Variants in ASAP3 observed in about 807,000 individuals in gnomAD.
The protein encoded by ASAP3 is arf-GAP with SH3 domain, ANK repeat and PH domain-containing protein 3.
Under a neutral mutation model 118.2 loss-of-function variants are expected in ASAP3, and 85 were observed. That is an observed-to-expected ratio of 0.72 (90% CI 0.60 to 0.86). The LOEUF is 0.86. Among genes scored for constraint, ASAP3 ranks in the 40% least tolerant of loss-of-function variants. The probability of loss-of-function intolerance (pLI) is 0.00; values close to 1 mark genes in which losing one functional copy is unlikely to be tolerated. For missense variants in ASAP3, 1,026 were observed against 1,175.0 expected (o/e 0.87, Z 1.85); for synonymous variants, 432 against 477.4 (o/e 0.90, Z 1.24).
At chr1:23,435,550 T>A (rs768054541) in intron 17 of ASAP3, among the ~76,000 whole-genome samples, 2 of 152,214 alleles carry the variant, frequency 1.3e-5, no homozygotes, top group Non-Finnish European at 2.9e-5. Context: ...ACTAAGCCCT[T>A]TATATACATG....
Position 23,435,914 on chromosome 1 carries a change from C to A in ASAP3, c.1686G>T (p.Ser562=), listed in dbSNP as rs748300859. ...WTAICNRDLL[S]VLEAFANGQD... The stretch of plus-strand genomic sequence containing the variant: ...GCCCATTGGCAAAGGCCTCCAGTAC[C>A]GACAGGAGGTCCCTGTTGCAAATGG... Residue 562 remains serine, a synonymous_variant, in exon 17 of 25, where the codon TCG becomes TCT. Coordinates refer to ENST00000336689, the MANE Select transcript of ASAP3 (RefSeq NM_017707.4). 1.2e-6 allele frequency: 2 copies of A among 1,614,266 alleles called. No individual in the cohort carries two copies. The highest frequency in any genetic ancestry group is 1.7e-6 in the Non-Finnish European group (2 of 1,180,048).
chr1:23,436,531 G>C lies in ASAP3; in HGVS notation c.1571+29C>G, dbSNP rs779620022. The C allele has an allele frequency of 1.2e-6, 2 of 1,609,494 alleles. No individual in the cohort carries two copies. Among genetic ancestry groups the C allele is most frequent in the Non-Finnish European group, 8.5e-7 (1 of 1,175,832 alleles). ...TGCGGAGGCAGAATCCCCTAGGCAG[G>C]GTGCCCCTCTCTCTGAGAATCCCCT... is the stretch of plus-strand genomic sequence containing the variant. On this transcript the variant is annotated intron_variant, in intron 16 of 24. Transcript: ENST00000336689. This position sits in a 1 kb window ranked among gnomAD's most constrained non-coding sequence, Gnocchi z 4.2.
intron 1 of ASAP3, among the ~76,000 whole-genome samples, chr1:23,463,074 T>C (rs7523811): frequency 0.65 from 99,274 of 152,060 alleles, 36,937 homozygotes; most frequent in Non-Finnish European, 0.82. Context: ...CTGGGAAGAA[T>C]GGACAAGGAC....
In ASAP3 at chr1:23,481,599, C is replaced by T. The variant is rs374203874; in HGVS notation, c.129+2406G>A. ...TGTTGTAACAATGAACCTCTACGTG[C>T]ACCAAACCAAAAATCTGAAGGCAAA... On this transcript the variant is annotated intron_variant, in intron 1 of 24. Coordinates refer to ENST00000336689, the MANE Select transcript of ASAP3 (RefSeq NM_017707.4). Among the ~76,000 whole-genome samples the T allele has an allele frequency of 3.6e-3, 542 of 152,280 alleles. 4 individuals carry two copies. Among genetic ancestry groups the T allele is most frequent in the African/African-American group, 0.012 (512 of 41,560 alleles).
chr1:23,456,542 A>C (rs1641394615), intron 1 of ASAP3, among the ~76,000 whole-genome samples: 1 of 152,142 alleles, frequency 6.6e-6, no homozygotes, highest in South Asian at 2.1e-4. Context: ...CGTTAGACAA[A>C]TCTGTTAACT....
chr1:23,482,524 A>G (rs1452549300), intron 1 of ASAP3, among the ~76,000 whole-genome samples: 1 of 152,116 alleles, frequency 6.6e-6, no homozygotes, highest in Non-Finnish European at 1.5e-5. Flanking sequence ...TCTGTCTCCA[A>G]AAAAAAGATG....
intron 1 of ASAP3, among the ~76,000 whole-genome samples, chr1:23,482,878 G>T (rs1364411081): frequency 5.3e-5 from 8 of 152,014 alleles, no homozygotes. Context: ...TGTGAACCTG[G>T]GAGGCGGAGT....
chr1:23,452,633 C>A (rs1389152032), intron 4 of ASAP3, 64 bp downstream of exon 4: 1 of 1,551,214 alleles, frequency 6.4e-7, no homozygotes, highest in Non-Finnish European at 8.9e-7. Context: ...CCCTGCCCCC[C>A]AACAGTCTCC....
At position 23,455,977 on chromosome 1, in the gene ASAP3, G is replaced by A. The variant is rs200583061; in HGVS notation, c.252C>T (p.Gly84=). 1 of 1,614,150 alleles carries A rather than the reference G, an allele frequency of 6.2e-7. No homozygotes were observed. Among genetic ancestry groups the A allele is most frequent in the South Asian group, 1.1e-5 (1 of 91,072 alleles). Residue 84 remains glycine, a synonymous_variant, in exon 3 of 25, where the codon GGC becomes GGT. Coordinates refer to ENST00000336689, the MANE Select transcript of ASAP3 (RefSeq NM_017707.4). The part of the protein sequence containing the change: ...EQYREAVESL[G]NSHLSQNSHE... Reference sequence around the variant, plus strand: ...GGCTGTTCTGGGACAGGTGGCTGTTGCCTAAGGATTCCACGGCCTCTCGGT... The same window carrying A: ...GGCTGTTCTGGGACAGGTGGCTGTTACCTAAGGATTCCACGGCCTCTCGGT...
intron 5 of ASAP3, among the ~76,000 whole-genome samples, chr1:23,447,157 T>G (rs1004775179): frequency 6.6e-6 from 1 of 152,238 alleles, no homozygotes; most frequent in African/African-American, 2.4e-5. Context: ...TAACAGGCCT[T>G]GGACCTGTAC....
At position 23,429,637 on chromosome 1, in the gene ASAP3, T is replaced by G; in HGVS notation, c.*219A>C. ...GGGCTCCCAGGCCCCTAGCGGGTAA[T>G]GAGATAGGAAAGAACCGCCATCAGT... On this transcript the variant is annotated 3_prime_UTR_variant, in exon 25 of 25. Transcript: ENST00000336689. 12 of 468,876 alleles carry G rather than the reference T, an allele frequency of 2.6e-5. No individual in the cohort carries two copies. Among genetic ancestry groups the G allele is most frequent in the Non-Finnish European group, 2.3e-5 (6 of 263,034 alleles). 29.0% of individuals were successfully genotyped at this position (468,876 alleles called of 1,614,324 possible).
In ASAP3 at chr1:23,456,214, G is replaced by C. The variant is rs756405683; in HGVS notation, c.130-20C>G. On this transcript the variant is annotated intron_variant, in intron 1 of 24. Coordinates refer to ENST00000336689, the MANE Select transcript of ASAP3 (RefSeq NM_017707.4). Reference sequence around the variant, plus strand: ...CAAGATCTGGAAGCAAATGTGGACAGAGGTTCAGGGATGCCAAGCTGGAAT... The same window carrying C: ...CAAGATCTGGAAGCAAATGTGGACACAGGTTCAGGGATGCCAAGCTGGAAT... 1 of 1,612,088 alleles carries C rather than the reference G, an allele frequency of 6.2e-7. No homozygotes were observed. Among genetic ancestry groups the C allele is most frequent in the Non-Finnish European group, 8.5e-7 (1 of 1,178,582 alleles).
At chr1:23,480,285 A>C (rs2148666847) in intron 1 of ASAP3, 1 of 152,300 alleles carries the variant, frequency 6.6e-6, no homozygotes, top group Middle Eastern at 3.4e-3. Context: ...TTCATCTGAG[A>C]CCTACTGGAG....
chr1:23,441,773 G>A (rs766185010), intron 7 of ASAP3, 43 bp from the exon 8 acceptor site: 1 of 1,605,064 alleles, frequency 6.2e-7, no homozygotes, highest in East Asian at 2.2e-5. Flanking sequence ...GATAAAGATG[G>A]AAATGAGAGA....
At chr1:23,442,471 C>G in intron 6 of ASAP3, 30 bp downstream of exon 6, 1 of 1,606,386 alleles carries the variant, frequency 6.2e-7, no homozygotes, top group East Asian at 2.2e-5. Context: ...CATCCCACGC[C>G]CCCCCTCCCT....
At chr1:23,457,584 T>C (rs1641429301) in intron 1 of ASAP3, among the ~76,000 whole-genome samples, 1 of 152,210 alleles carries the variant, frequency 6.6e-6, no homozygotes, top group African/African-American at 2.4e-5. Flanking sequence ...TTGCACAATC[T>C]TGGCTCACTG....
At chr1:23,464,272 C>G (rs992607353) in intron 1 of ASAP3, among the ~76,000 whole-genome samples, 1 of 149,684 alleles carries the variant, frequency 6.7e-6, no homozygotes, top group Non-Finnish European at 1.5e-5. Context: ...CTGCAACCTC[C>G]ACTTCCCAGG....
intron 18 of ASAP3, 64 bp from the exon 19 acceptor site, chr1:23,434,433 G>A (rs982129967): frequency 8.1e-6 from 13 of 1,602,038 alleles, no homozygotes; most frequent in African/African-American, 6.7e-5. Context: ...TCAAAGTCAG[G>A]GGAAAAAGTG....
Position 23,458,418 on chromosome 1 carries a change from T to A in ASAP3, c.130-2224A>T, listed in dbSNP as rs535970063. On this transcript the variant is annotated intron_variant, in intron 1 of 24. Coordinates refer to ENST00000336689, the MANE Select transcript of ASAP3 (RefSeq NM_017707.4). Reference sequence around the variant, plus strand: ...CAGGAGGATCACTTGAGCCAAGGAGTTCAAGACCAGCCTGGACAGCTTGGC... The same window carrying A: ...CAGGAGGATCACTTGAGCCAAGGAGATCAAGACCAGCCTGGACAGCTTGGC... Among the ~76,000 whole-genome samples the A allele has an allele frequency of 3.3e-5, 5 of 151,728 alleles. No individual in the cohort carries two copies. The East Asian group carries it at 9.7e-4, about 30-fold the overall frequency.
Sources: gnomAD v4.1 joint callset for allele counts (sites outside exome capture counted in the v4.1 genomes callset) on GRCh38, gnomAD v4.1.1 for gene constraint, Gnocchi (gnomAD v3.1) non-coding constraint, MANE v1.5 for transcripts, NCBI Gene and HGNC (gene_info 2026-07-23, HGNC 2026-07-21) for gene names.